Variants in SHANK2 observed in about 807,000 individuals in gnomAD.
The protein encoded by SHANK2 is SH3 and multiple ankyrin repeat domains protein 2.
Under a neutral mutation model 133.7 loss-of-function variants are expected in SHANK2, and 43 were observed. The observed-to-expected ratio is 0.32, with a 90% CI of 0.25 to 0.41. The LOEUF (loss-of-function observed/expected upper bound fraction) is 0.41, where lower values mean the gene tolerates loss of function less well. SHANK2 is among the 10% of genes least tolerant of loss of function. The probability of loss-of-function intolerance (pLI) is 1.00; values close to 1 mark genes in which losing one functional copy is unlikely to be tolerated. For missense variants in SHANK2, 1,994 were observed against 2,235.8 expected, an observed-to-expected ratio of 0.89 and a Z score of 2.18; for synonymous variants, 1,017 against 952.8, an observed-to-expected ratio of 1.07 and a Z score of -1.24.
intron 17 of SHANK2, among the ~76,000 whole-genome samples, chr11:70,632,774 T>C (rs1450184071): frequency 3.3e-5 from 5 of 152,060 alleles, no homozygotes; most frequent in Non-Finnish European, 5.9e-5. Flanking sequence ...AAGAACATAC[T>C]AATTGGTTTA....
intron 3 of SHANK2, among the ~76,000 whole-genome samples, chr11:71,128,505 C>T (rs1281294348): frequency 3.9e-5 from 6 of 152,080 alleles, no homozygotes; most frequent in Admixed American, 2.0e-4. Flanking sequence ...GCTGTGGAGA[C>T]GGAGTTTGTG....
At chr11:70,623,462 T>C (rs535080448) in intron 17 of SHANK2, among the ~76,000 whole-genome samples, 3 of 152,306 alleles carry the variant, frequency 2.0e-5, no homozygotes, top group African/African-American at 7.2e-5. Flanking sequence ...TGCAGCCAGA[T>C]GCACCCCGAA....
chr11:70,738,424 A>G (rs1946452177), intron 14 of SHANK2, among the ~76,000 whole-genome samples: 1 of 152,198 alleles, frequency 6.6e-6, no homozygotes, highest in African/African-American at 2.4e-5. Flanking sequence ...CACAAGTTGG[A>G]CGCCCAAGGC....
intron 14 of SHANK2, among the ~76,000 whole-genome samples, chr11:70,744,298 T>C (rs931545385): frequency 6.6e-6 from 1 of 152,190 alleles, no homozygotes; most frequent in Non-Finnish European, 1.5e-5. Context: ...CAGGGAGGTC[T>C]TTCCATGACT....
intron 17 of SHANK2, among the ~76,000 whole-genome samples, chr11:70,626,786 TG>T (rs1226601686): frequency 6.8e-6 from 1 of 146,404 alleles, no homozygotes; most frequent in Non-Finnish European, 1.6e-5. Flanking sequence ...GAGTCCAAGG[TG>T]GCCCACCCAC....
chr11:70,621,514 C>T (rs1554997852), intron 17 of SHANK2, among the ~76,000 whole-genome samples: 3 of 152,178 alleles, frequency 2.0e-5, no homozygotes, highest in South Asian at 4.1e-4. Flanking sequence ...GCACCCTTGG[C>T]GAGGACGTGG....
intron 17 of SHANK2, among the ~76,000 whole-genome samples, chr11:70,587,002 G>T (rs1298915391): frequency 6.6e-6 from 1 of 152,000 alleles, no homozygotes; most frequent in African/African-American, 2.4e-5. Context: ...TCCATGCACC[G>T]CTGGGCACAT....
At chr11:70,949,742 C>T (rs1377641178) in intron 10 of SHANK2, among the ~76,000 whole-genome samples, 5 of 152,188 alleles carry the variant, frequency 3.3e-5, no homozygotes, top group East Asian at 3.9e-4. Flanking sequence ...CCTGGGCCCC[C>T]GTGGCCTGGG....
chr11:70,708,329 C>T (rs1555025385), intron 14 of SHANK2, among the ~76,000 whole-genome samples: 6 of 151,984 alleles, frequency 3.9e-5, no homozygotes, highest in African/African-American at 1.4e-4. Flanking sequence ...GATGGACGGC[C>T]CTGGACACTG....
At chr11:70,684,651 AGGCTGTGGAAAGAGT>A (rs1183763692) in intron 15 of SHANK2, among the ~76,000 whole-genome samples, 1 of 151,986 alleles carries the variant, frequency 6.6e-6, no homozygotes, top group Non-Finnish European at 1.5e-5. Flanking sequence ...CAGGAAGCAC[AGGCTGTGGAAAGAGT>A]GTCAAGGTGG....
Position 71,109,922 on chromosome 11 carries a change from C to A in SHANK2, c.592+19G>T. On this transcript the variant is annotated intron_variant, in intron 6 of 25. Coordinates refer to ENST00000601538, the MANE Select transcript of SHANK2 (RefSeq NM_012309.5). ...CGCTTCCGTAAAGCCTGGTAAGGTC[C>A]CCTCTAGCAAGTGCTCACCTCCGGT... 6.7e-7 allele frequency: 1 copy of A among 1,481,520 alleles called. No individual in the cohort carries two copies. The highest frequency in any genetic ancestry group is 9.2e-7 in the Non-Finnish European group (1 of 1,083,038). The allele number at this position is 1,481,520 out of a possible 1,614,324, so 91.8% of individuals were successfully genotyped here.
intron 11 of SHANK2, among the ~76,000 whole-genome samples, chr11:70,834,788 G>C (rs192664744): frequency 6.6e-6 from 1 of 152,334 alleles, no homozygotes; most frequent in Admixed American, 6.5e-5. Context: ...TGGAGTCATT[G>C]AGGGAAGCTT....
chr11:70,868,374 C>A (rs955390830), intron 11 of SHANK2, among the ~76,000 whole-genome samples: 5 of 152,210 alleles, frequency 3.3e-5, no homozygotes, highest in African/African-American at 1.2e-4. Flanking sequence ...GCCTCGGTTT[C>A]TCCATGTGTA....
intron 17 of SHANK2, among the ~76,000 whole-genome samples, chr11:70,622,533 T>C (rs190757981): frequency 1.2e-3 from 178 of 152,318 alleles, no homozygotes; most frequent in African/African-American, 3.9e-3. Context: ...CCAAAGCTTC[T>C]GGGAGGGGCC....
At chr11:70,550,003 C>G (rs1169064181) in intron 17 of SHANK2, among the ~76,000 whole-genome samples, 1 of 152,132 alleles carries the variant, frequency 6.6e-6, no homozygotes, top group Non-Finnish European at 1.5e-5. Context: ...GGGCACTGCC[C>G]TGTAGCCTCC....
chr11:70,716,639 C>A (rs1555027335), intron 14 of SHANK2, among the ~76,000 whole-genome samples: 1 of 152,162 alleles, frequency 6.6e-6, no homozygotes, highest in African/African-American at 2.4e-5. Flanking sequence ...TGGCCGTGAC[C>A]TTAGCAAGCC....
intron 14 of SHANK2, among the ~76,000 whole-genome samples, chr11:70,797,218 A>T (rs1947933213): frequency 6.6e-6 from 1 of 152,118 alleles, no homozygotes; most frequent in African/African-American, 2.4e-5. Flanking sequence ...ACAGAGAAAG[A>T]CCCCATTCTT....
chr11:71,142,831 C>A (rs1343352568), intron 3 of SHANK2, among the ~76,000 whole-genome samples: 1 of 149,662 alleles, frequency 6.7e-6, no homozygotes, highest in Non-Finnish European at 1.5e-5. Flanking sequence ...AAAAAAGTCA[C>A]CTATGAGATG....
At chr11:71,065,661 G>C (rs1951043721) in intron 9 of SHANK2, among the ~76,000 whole-genome samples, 1 of 145,300 alleles carries the variant, frequency 6.9e-6, no homozygotes, top group Non-Finnish European at 1.5e-5. Flanking sequence ...GCAGTGACTG[G>C]GGAAGTTTGT....
Sources: gnomAD v4.1 joint callset for allele counts (sites outside exome capture counted in the v4.1 genomes callset) on GRCh38, gnomAD v4.1.1 for gene constraint, MANE v1.5 for transcripts, NCBI Gene and HGNC (gene_info 2026-07-23, HGNC 2026-07-21) for gene names.